The following RALGAPA1 variants were observed in gnomAD, a reference collection of about 807,000 sequenced individuals.
The protein encoded by RALGAPA1 is Ral GTPase activating protein catalytic subunit alpha 1.
A neutral mutation model predicts 269.6 loss-of-function variants in RALGAPA1; 52 were observed. The observed-to-expected ratio is 0.19, with a 90% CI of 0.15 to 0.24. The LOEUF is 0.24. RALGAPA1 is among the 10% of genes least tolerant of loss of function. The pLI is 1.00. For missense variants in RALGAPA1, 1,917 were observed against 3,013.9 expected, an observed-to-expected ratio of 0.64 and a Z score of 8.52; for synonymous variants, 817 against 1,008.3, an observed-to-expected ratio of 0.81 and a Z score of 3.60.
At chr14:35,612,304 G>GAGGTTGC (rs2059984672) in intron 35 of RALGAPA1, among the ~76,000 whole-genome samples, 1 of 149,366 alleles carries the variant, frequency 6.7e-6, no homozygotes. Flanking sequence ...CCAGGAAGTT[G>GAGGTTGC]AGGTTGCAGT....
intron 12 of RALGAPA1, among the ~76,000 whole-genome samples, chr14:35,737,143 A>ATT (rs558821668): frequency 1.1e-4 from 16 of 152,302 alleles, no homozygotes; most frequent in African/African-American, 3.8e-4. Flanking sequence ...TAGATAAGAA[A>ATT]AGATGCTCAA....
chr14:35,653,379 C>T (rs537376116), intron 30 of RALGAPA1, among the ~76,000 whole-genome samples: 2 of 152,096 alleles, frequency 1.3e-5, no homozygotes, highest in South Asian at 2.1e-4. Context: ...GAGCAGATAG[C>T]GATTTTTATT....
rs536027559 is a variant in RALGAPA1, at chr14:35,560,956, G to A, written c.7496+9661C>T. On this transcript the variant is annotated intron_variant, in intron 39 of 41. Transcript: ENST00000680220. ...TTAAAATACGGTAACATCGCAGGGC[G>A]TGGTGGCTCACACCTGTAATCCCAG... 7.9e-5 allele frequency among the ~76,000 whole-genome samples: 12 copies of A among 152,142 alleles called. No individual in the cohort carries two copies. In the South Asian group the frequency reaches 1.0e-3, roughly 13 times the overall value.
In RALGAPA1 at chr14:35,605,724, AT is replaced by A; in HGVS notation, c.6930-16del. 1 of 1,601,788 alleles carries A rather than the reference AT, an allele frequency of 6.2e-7. No individual in the cohort carries two copies. Among genetic ancestry groups the A allele is most frequent in the Middle Eastern group, 1.7e-4 (1 of 6,032 alleles). On this transcript the variant is annotated splice_polypyrimidine_tract_variant and intron_variant, in intron 35 of 41. Coordinates refer to ENST00000680220, the MANE Select transcript of RALGAPA1 (RefSeq NM_001346249.2). ...GTGTCTCTCGGCTATAAAACAAAAG[AT>A]TACACCATTAATTTAATCACTATTT...
intron 5 of RALGAPA1, 147 bp from the exon 6 acceptor site, chr14:35,761,153 G>A: frequency 1.8e-6 from 1 of 541,222 alleles, no homozygotes; most frequent in Non-Finnish European, 3.2e-6. Context: ...GGAGAAGAGA[G>A]ACAGCATCTA....
chr14:35,633,095 C>T (rs1047423612), intron 33 of RALGAPA1, among the ~76,000 whole-genome samples: 1 of 152,264 alleles, frequency 6.6e-6, no homozygotes, highest in Admixed American at 6.5e-5. Flanking sequence ...GCTTCTTTTA[C>T]AGTGACTGAT....
intron 17 of RALGAPA1, among the ~76,000 whole-genome samples, chr14:35,694,851 T>G (rs961662218): frequency 1.3e-5 from 2 of 151,928 alleles, no homozygotes; most frequent in Admixed American, 6.6e-5. Flanking sequence ...CCCAGGTGGG[T>G]GGACCACCTG....
intron 3 of RALGAPA1, 111 bp downstream of exon 3, chr14:35,774,895 G>T (rs1328501950): frequency 2.9e-6 from 2 of 694,632 alleles, no homozygotes; most frequent in Non-Finnish European, 5.0e-6. Flanking sequence ...TCTTAGAAAG[G>T]CTGGCAAATT....
chr14:35,655,106 AAT>A (rs1313768418), intron 29 of RALGAPA1, among the ~76,000 whole-genome samples: 2 of 152,136 alleles, frequency 1.3e-5, no homozygotes, highest in Non-Finnish European at 2.9e-5. Context: ...AGCTATTATT[AAT>A]ATCTTGAAGC....
intron 22 of RALGAPA1, among the ~76,000 whole-genome samples, chr14:35,675,192 T>C (rs1284336852): frequency 2.0e-5 from 3 of 152,298 alleles, no homozygotes; most frequent in South Asian, 2.1e-4. Context: ...AATAAACTTT[T>C]TGAGATGGAG....
intron 17 of RALGAPA1, among the ~76,000 whole-genome samples, chr14:35,696,219 G>C (rs2066885550): frequency 6.6e-6 from 1 of 151,864 alleles, no homozygotes; most frequent in Non-Finnish European, 1.5e-5. Flanking sequence ...TTTATGTTCA[G>C]AATTTCCCTG....
chr14:35,774,998 G>A lies in RALGAPA1; in HGVS notation c.267+8C>T, dbSNP rs2074914136. ...AAAAAGGGAAAAGTTAGGTTCAGAA[G>A]CACTTACCTCAAAAATAAAAAGTAT... is the stretch of plus-strand genomic sequence containing the variant. On this transcript the variant is annotated splice_region_variant and intron_variant, in intron 3 of 41. Transcript: ENST00000680220. 1 of 1,545,422 alleles carries A rather than the reference G, an allele frequency of 6.5e-7. No individual in the cohort carries two copies. Among genetic ancestry groups the A allele is most frequent in the Non-Finnish European group, 8.9e-7 (1 of 1,127,876 alleles).
chr14:35,769,065 T>TATATATATATATATATATAC (rs1237249622), intron 4 of RALGAPA1, among the ~76,000 whole-genome samples: 1 of 77,796 alleles, frequency 1.3e-5, no homozygotes, highest in African/African-American at 4.6e-5. Context: ...TATATATATA[T>TATATATATATATATATATAC]ACACACACAT....
intron 31 of RALGAPA1, 101 bp downstream of exon 31, chr14:35,651,704 G>A: frequency 9.6e-7 from 1 of 1,043,170 alleles, no homozygotes; most frequent in Non-Finnish European, 1.3e-6. Context: ...TCTGAACAAG[G>A]ATAAATTTTT....
intron 1 of RALGAPA1, among the ~76,000 whole-genome samples, chr14:35,776,378 C>A (rs1305951818): frequency 6.9e-6 from 1 of 144,448 alleles, no homozygotes; most frequent in Admixed American, 7.0e-5. Context: ...TGAGACTCCA[C>A]CTTGGGGAAA....
chr14:35,627,437 A>G lies in RALGAPA1; in HGVS notation c.6510T>C (p.Phe2170=). 2 of 1,613,598 alleles carry G rather than the reference A, an allele frequency of 1.2e-6. No homozygotes were observed. Among genetic ancestry groups the G allele is most frequent in the Non-Finnish European group, 1.7e-6 (2 of 1,179,904 alleles). ...KDGLSLQFKR[F]RETVPTWDTI... ...TATCCCAAGTTGGTACAGTTTCTCT[A>G]AATCTTTTAAACTGGAGAGAAAGTC... The change falls in exon 34 of 42, where the codon TTT becomes TTC. Residue 2170 remains phenylalanine (F), a synonymous_variant. Coordinates refer to ENST00000680220, the MANE Select transcript of RALGAPA1 (RefSeq NM_001346249.2).
At chr14:35,735,526 G>A (rs1371677595) in intron 12 of RALGAPA1, among the ~76,000 whole-genome samples, 5 of 152,120 alleles carry the variant, frequency 3.3e-5, no homozygotes, top group Non-Finnish European at 7.4e-5. Flanking sequence ...ACAAAGGCAT[G>A]AGAATGATAC....
At chr14:35,605,797 A>G in intron 35 of RALGAPA1, 88 bp from the exon 36 acceptor site, 1 of 1,426,876 alleles carries the variant, frequency 7.0e-7, no homozygotes, top group South Asian at 1.4e-5. Context: ...CAAAGTATGT[A>G]GCAATAAAAA....
intron 4 of RALGAPA1, chr14:35,766,340 C>A (rs1595481364): frequency 2.5e-6 from 3 of 1,224,406 alleles, no homozygotes; most frequent in East Asian, 4.7e-5. Context: ...TCATGATTCC[C>A]AGTTTGACAA....
Sources: allele counts gnomAD v4.1 joint callset (sites outside exome capture counted in the v4.1 genomes callset), GRCh38; gene constraint gnomAD v4.1.1; transcripts MANE v1.5; gene names NCBI Gene and HGNC (gene_info 2026-07-23, HGNC 2026-07-21).